Variants in DROSHA observed in about 807,000 individuals in gnomAD.
DROSHA encodes the protein ribonuclease 3.
Under a neutral mutation model 181.9 loss-of-function variants are expected in DROSHA, and 56 were observed. The observed-to-expected ratio is 0.31, with a 90% confidence interval of 0.25 to 0.38. The LOEUF (loss-of-function observed/expected upper bound fraction) is 0.38, where lower values mean the gene tolerates loss of function less well. Ranked by LOEUF, DROSHA falls within the 10% of genes least tolerant of loss-of-function variation. The probability of loss-of-function intolerance (pLI) is 1.00; values close to 1 mark genes in which losing one functional copy is unlikely to be tolerated. For synonymous variants in DROSHA, 524 were observed against 591.2 expected (o/e 0.89, Z 1.65); for missense variants, 1,218 against 1,743.5 (o/e 0.70, Z 5.37).
intron 26 of DROSHA, among the ~76,000 whole-genome samples, chr5:31,429,840 A>G (rs961608479): frequency 6.6e-6 from 1 of 152,222 alleles, no homozygotes; most frequent in Non-Finnish European, 1.5e-5. Flanking sequence ...TTACTAAGGG[A>G]GCAATGCACA....
At position 31,466,281 on chromosome 5, in the gene DROSHA, C is replaced by A. The variant is rs764283487; in HGVS notation, c.2367G>T (p.Gln789His). The stretch of plus-strand genomic sequence containing the variant: ...CATAACTCTTCCACAGTTTTTGGTA[C>A]CTAAGGAAAAGGACAGGCAAACATC... ...PAQLSYAGDP[Q>H]YQKLWKSYVK... The change falls in exon 19 of 36, where the codon CAG (glutamine) becomes CAT (histidine). Residue 789 changes from glutamine (Q) to histidine (H), a missense_variant and splice_region_variant. This residue lies in a region of DROSHA where 460 missense variants were observed against 774.2 expected (regional missense o/e 0.59). Transcript: ENST00000344624. 1.2e-6 allele frequency: 2 copies of A among 1,613,274 alleles called. No individual in the cohort carries two copies. The highest frequency in any genetic ancestry group is 1.1e-5 in the South Asian group (1 of 91,052).
chr5:31,435,685 T>G (rs1450437387), intron 25 of DROSHA, 80 bp downstream of exon 25: 7 of 1,289,476 alleles, frequency 5.4e-6, no homozygotes, highest in Non-Finnish European at 7.7e-6. Context: ...AACGAGTTAC[T>G]TATTCAAATG....
chr5:31,422,289 T>G (rs1742855020), intron 29 of DROSHA, among the ~76,000 whole-genome samples: 1 of 151,594 alleles, frequency 6.6e-6, no homozygotes, highest in Admixed American at 6.6e-5. Context: ...GAAGTAAAAT[T>G]TTGCTTATTT....
chr5:31,445,162 C>A (rs1313037343), intron 23 of DROSHA, among the ~76,000 whole-genome samples: 2 of 152,318 alleles, frequency 1.3e-5, no homozygotes, highest in Admixed American at 6.5e-5. Context: ...ACAAAGCCAC[C>A]CTCAAGCAGT....
At chr5:31,455,426 T>C (rs1747540135) in intron 20 of DROSHA, among the ~76,000 whole-genome samples, 1 of 151,898 alleles carries the variant, frequency 6.6e-6, no homozygotes, top group South Asian at 2.1e-4. Flanking sequence ...TAATGAAACG[T>C]GTAATACAAG....
In DROSHA at chr5:31,431,590, A is replaced by G. The variant is rs1744191028; in HGVS notation, c.3131T>C (p.Phe1044Ser). 2 of 1,613,978 alleles carry G rather than the reference A, an allele frequency of 1.2e-6. No homozygotes were observed. The highest frequency in any genetic ancestry group is 2.2e-5 in the East Asian group (1 of 44,866). ...SDLRHAMANC[F>S]EALIGAVYLE... ...AGAGAAATTACCTATTAACGCTTCA[A>G]AACAATTGGCCATTGCATGTCGAAG... The change falls in exon 26 of 36, where the codon TTT (phenylalanine) becomes TCT (serine). Residue 1044 changes from phenylalanine to serine, a missense_variant. Transcript: ENST00000344624.
intron 20 of DROSHA, among the ~76,000 whole-genome samples, chr5:31,457,750 C>T (rs1438471355): frequency 1.3e-5 from 2 of 151,844 alleles, no homozygotes; most frequent in African/African-American, 4.8e-5. Context: ...ATTAGCCAGG[C>T]ATGGTGGCAC....
chr5:31,466,152 A>C, intron 19 of DROSHA, 30 bp downstream of exon 19: 4 of 1,599,656 alleles, frequency 2.5e-6, no homozygotes, highest in Non-Finnish European at 3.4e-6. Flanking sequence ...CATCATCGTT[A>C]ATCACCAAGG....
intron 20 of DROSHA, among the ~76,000 whole-genome samples, chr5:31,455,641 CT>C (rs57423740): frequency 5.2e-3 from 718 of 139,280 alleles, no homozygotes; most frequent in Middle Eastern, 0.012. Flanking sequence ...TGTTATCACA[CT>C]TTTTTTTTTT....
chr5:31,449,134 C>CA (rs371567874), intron 22 of DROSHA, 147 bp downstream of exon 22: 73,521 of 917,026 alleles, frequency 0.08, 6 homozygotes, highest in Non-Finnish European at 0.088. Flanking sequence ...GACCCTGTCT[C>CA]AAAAAAAAAA....
chr5:31,477,805 G>A (rs948618456), intron 16 of DROSHA, among the ~76,000 whole-genome samples: 1 of 152,116 alleles, frequency 6.6e-6, no homozygotes, highest in Non-Finnish European at 1.5e-5. Flanking sequence ...ACTATTTTGC[G>A]ACCAAAGGTA....
Position 31,451,137 on chromosome 5 carries a change from G to A in DROSHA, c.2682+396C>T, listed in dbSNP as rs571231687. Among the ~76,000 whole-genome samples the A allele has an allele frequency of 1.1e-4, 17 of 152,224 alleles. No individual in the cohort carries two copies. The East Asian group carries it at 1.4e-3, about 12-fold the overall frequency. On this transcript the variant is annotated intron_variant, in intron 21 of 35. Transcript: ENST00000344624. The stretch of plus-strand genomic sequence containing the variant: ...GAATCGCTTGAACCCAGGAGGCGGA[G>A]GTTGCAGTGGGCCGAGATCACGCCA...
chr5:31,467,371 T>C (rs986530078), intron 18 of DROSHA: 3 of 151,734 alleles, frequency 2.0e-5, no homozygotes, highest in Admixed American at 1.3e-4. Flanking sequence ...AAGAATCTAA[T>C]GGTACTATCT....
Position 31,400,850 on chromosome 5 carries a change from A to ATGACT in DROSHA, c.*577_*581dup, listed in dbSNP as rs1214864972. The ATGACT allele has an allele frequency of 6.4e-6, 1 of 155,378 alleles. No individual in the cohort carries two copies. 9.6% of individuals were successfully genotyped at this position (155,378 alleles called of 1,614,324 possible). ...TATTCTAATGATTCAAAGAATCTGT[A>ATGACT]TGACTTGAATATCAGTCTTTCCCCT... On this transcript the variant is annotated 3_prime_UTR_variant, in exon 36 of 36. Transcript: ENST00000344624.
chr5:31,516,247 G>A (rs1397503476), intron 6 of DROSHA, among the ~76,000 whole-genome samples: 2 of 152,112 alleles, frequency 1.3e-5, no homozygotes, highest in Non-Finnish European at 2.9e-5. Flanking sequence ...AGAGCAAAAT[G>A]CTGTCTCAAA....
At chr5:31,416,939 G>A (rs539063282) in intron 30 of DROSHA, among the ~76,000 whole-genome samples, 1 of 152,310 alleles carries the variant, frequency 6.6e-6, no homozygotes, top group East Asian at 1.9e-4. Context: ...AAGGAATCAG[G>A]AATGGAGAAA....
intron 16 of DROSHA, among the ~76,000 whole-genome samples, chr5:31,473,541 GAA>G (rs142921773): frequency 0.042 from 6,432 of 152,268 alleles, 226 homozygotes; most frequent in Admixed American, 0.1. Context: ...AGCAATGATG[GAA>G]ACAGCCAAAG....
intron 25 of DROSHA, among the ~76,000 whole-genome samples, chr5:31,432,565 G>A (rs1744311255): frequency 6.6e-6 from 1 of 152,118 alleles, no homozygotes; most frequent in East Asian, 1.9e-4. Flanking sequence ...CCCTCATGAG[G>A]TTTCCATACT....
intron 25 of DROSHA, among the ~76,000 whole-genome samples, chr5:31,434,248 A>T (rs1165513289): frequency 6.6e-6 from 1 of 152,234 alleles, no homozygotes; most frequent in East Asian, 1.9e-4. Flanking sequence ...TCCTCCCTAC[A>T]AGTGTTTGAA....
Sources: allele counts gnomAD v4.1 joint callset (sites outside exome capture counted in the v4.1 genomes callset), GRCh38; gene constraint gnomAD v4.1.1; regional missense constraint gnomAD v4.1.1; transcripts MANE v1.5; gene names NCBI Gene and HGNC (gene_info 2026-07-23, HGNC 2026-07-21).